The following ZNF724 variants were observed in gnomAD, a reference collection of about 807,000 sequenced individuals.
ZNF724 encodes zinc finger protein 724 pseudogene.
A neutral mutation model predicts 29.3 loss-of-function variants in ZNF724; 14 were observed. That is an observed-to-expected ratio of 0.48 (90% CI 0.32 to 0.75). The LOEUF (loss-of-function observed/expected upper bound fraction) is 0.75. Among genes scored for constraint, ZNF724 ranks in the 30% least tolerant of loss-of-function variants. The pLI is 0.04. For missense variants in ZNF724, 557 were observed against 571.2 expected (o/e 0.98, Z 0.25); for synonymous variants, 180 against 193.6 (o/e 0.93, Z 0.58).
Position 23,227,371 on chromosome 19 carries a change from A to G in ZNF724, c.227-3353T>C, listed in dbSNP as rs553878861. 4.6e-5 allele frequency among the ~76,000 whole-genome samples: 7 copies of G among 152,044 alleles called. No homozygotes were observed. The South Asian group carries it at 1.5e-3, about 32-fold the overall frequency. On this transcript the variant is annotated intron_variant, in intron 3 of 3. Coordinates refer to ENST00000418100, the MANE Select transcript of ZNF724 (RefSeq NM_001355404.2). ...GGAGTTCGAGACCAGCCTGGCCAAC[A>G]TGATGAAACCCCATCTCTACTAAAA...
chr19:23,229,440 C>T (rs1222186251), intron 3 of ZNF724, among the ~76,000 whole-genome samples: 4 of 151,550 alleles, frequency 2.6e-5, no homozygotes, highest in Non-Finnish European at 5.9e-5. Context: ...GTTCTGCCTA[C>T]ACAGAAACCT....
At position 23,228,368 on chromosome 19, in the gene ZNF724, C is replaced by T. The variant is rs142234847; in HGVS notation, c.226+2898G>A. Among the ~76,000 whole-genome samples the T allele has an allele frequency of 5.1e-3, 773 of 151,376 alleles. 8 individuals are homozygous for T. The highest frequency in any genetic ancestry group is 0.017 in the African/African-American group (721 of 41,212). ...GGGAGGCTGAGACAGCAGAATTGATCGAACCCAGCCGGGAGGCAGAGGTTG... is the reference window on the plus strand; with the variant it reads ...GGGAGGCTGAGACAGCAGAATTGATTGAACCCAGCCGGGAGGCAGAGGTTG... On this transcript the variant is annotated intron_variant, in intron 3 of 3. Transcript: ENST00000418100.
In ZNF724 at chr19:23,224,646, A is replaced by C. The variant is rs1971792840; in HGVS notation, c.227-628T>G. On this transcript the variant is annotated intron_variant, in intron 3 of 3. Transcript: ENST00000418100. ...CACAGCTCATCCCTCTCCCCAATAT[A>C]ATATAGTGCCTTTAGAAGTGAACAC... Among the ~76,000 whole-genome samples, 2 of 152,052 alleles carry C rather than the reference A, an allele frequency of 1.3e-5. 1 individual carries two copies. The highest frequency in any genetic ancestry group is 4.1e-4 in the South Asian group (2 of 4,822).
intron 3 of ZNF724, among the ~76,000 whole-genome samples, chr19:23,227,352 C>A (rs1378152686): frequency 6.6e-6 from 1 of 151,572 alleles, no homozygotes; most frequent in African/African-American, 2.4e-5. Flanking sequence ...GTCAGGAGTT[C>A]GAGACCAGCC....
At chr19:23,243,495 A>AAT (rs1568345934) in intron 1 of ZNF724, among the ~76,000 whole-genome samples, 1,892 of 149,792 alleles carry the variant, frequency 0.013, 84 homozygotes, top group African/African-American at 0.044. Flanking sequence ...AAAAAAAAAA[A>AAT]AAAAAAGGTA....
At chr19:23,227,809 T>A (rs1018303146) in intron 3 of ZNF724, among the ~76,000 whole-genome samples, 3 of 151,524 alleles carry the variant, frequency 2.0e-5, no homozygotes, top group African/African-American at 7.3e-5. Context: ...CTAATTTACT[T>A]CAGGCATAAC....
At position 23,223,673 on chromosome 19, in the gene ZNF724, A is replaced by T. The variant is rs1568337844; in HGVS notation, c.572T>A (p.Ile191Asn). The T allele has an allele frequency of 1.4e-6, 1 of 715,426 alleles. No individual in the cohort carries two copies. Among genetic ancestry groups the T allele is most frequent in the Admixed American group, 2.0e-5 (1 of 50,054 alleles). 44.3% of individuals were successfully genotyped at this position (715,426 alleles called of 1,614,324 possible). The change falls in exon 4 of 4, where the codon ATT (isoleucine) becomes AAT (asparagine). Residue 191 changes from isoleucine to asparagine, a missense_variant. Ile to Asn is a moderately radical substitution (Grantham distance 149, BLOSUM62 -3). This residue lies in a region of ZNF724 where 362 missense variants were observed against 295.5 expected (regional missense o/e 1.22). Transcript: ENST00000418100. ...TTTGTAGGAATTGACAGTAGTGTGA[A>T]TTCTTTTATGTTGAGTTAGGTGTGA... ...VLSHLTQHKR[I>N]HTTVNSYKLE... is the part of the protein sequence containing the mutation.
At chr19:23,226,265 A>G (rs769736874) in intron 3 of ZNF724, among the ~76,000 whole-genome samples, 6 of 151,992 alleles carry the variant, frequency 3.9e-5, no homozygotes, top group Non-Finnish European at 5.9e-5. Context: ...GTTAGCCACA[A>G]TGGTCTCGAC....
chr19:23,247,217 A>T (rs943957341), intron 1 of ZNF724, among the ~76,000 whole-genome samples: 60 of 152,046 alleles, frequency 3.9e-4, no homozygotes, highest in African/African-American at 1.3e-3. Context: ...AATGAGTGAG[A>T]CTCCATTTCA....
intron 1 of ZNF724, among the ~76,000 whole-genome samples, chr19:23,238,020 G>T (rs1972051435): frequency 6.6e-6 from 1 of 152,032 alleles, no homozygotes; most frequent in African/African-American, 2.4e-5. Context: ...TCCACTTTTT[G>T]TGTGCTCTTA....
chr19:23,244,106 G>T (rs888755901), intron 1 of ZNF724, among the ~76,000 whole-genome samples: 1 of 150,048 alleles, frequency 6.7e-6, no homozygotes, highest in African/African-American at 2.5e-5. Flanking sequence ...AACTCGACGG[G>T]TGGGGGTAAG....
Position 23,237,681 on chromosome 19 carries a change from G to T in ZNF724, c.4-5388C>A, listed in dbSNP as rs927469911. On this transcript the variant is annotated intron_variant, in intron 1 of 3. Coordinates refer to ENST00000418100, the MANE Select transcript of ZNF724 (RefSeq NM_001355404.2). ...GCTACTCAGCCGAGATCACGCCACT[G>T]CACTCCAGCATGGGCAACAGAGCAA... Among the ~76,000 whole-genome samples, 6 of 143,572 alleles carry T rather than the reference G, an allele frequency of 4.2e-5. No homozygotes were observed. The East Asian group carries it at 1.0e-3, about 25-fold the overall frequency. 94.2% of individuals were successfully genotyped at this position (143,572 alleles called of 152,430 possible).
In ZNF724 at chr19:23,221,707, G is replaced by A. The variant is rs1229848520; in HGVS notation, c.*678C>T. The A allele has an allele frequency of 6.6e-6, 1 of 152,446 alleles. No individual in the cohort carries two copies. Among genetic ancestry groups the A allele is most frequent in the African/African-American group, 2.4e-5 (1 of 41,394 alleles). 9.4% of individuals were successfully genotyped at this position (152,446 alleles called of 1,614,324 possible). On this transcript the variant is annotated 3_prime_UTR_variant, in exon 4 of 4. Coordinates refer to ENST00000418100, the MANE Select transcript of ZNF724 (RefSeq NM_001355404.2). ...GCGATTCTCCTGTCTCAACCACCGAGTAGCTGGGATTAGTCATGCACTACC... is the reference window on the plus strand; with the variant it reads ...GCGATTCTCCTGTCTCAACCACCGAATAGCTGGGATTAGTCATGCACTACC...
At chr19:23,238,357 TCAAAAAA>T (rs57894776) in intron 1 of ZNF724, among the ~76,000 whole-genome samples, 1 of 151,280 alleles carries the variant, frequency 6.6e-6, no homozygotes, top group African/African-American at 2.4e-5. Flanking sequence ...AGACTCCACC[TCAAAAAA>T]CAAAAAACAA....
intron 3 of ZNF724, among the ~76,000 whole-genome samples, chr19:23,226,062 T>C (rs1277963619): frequency 4.7e-5 from 7 of 149,138 alleles, no homozygotes; most frequent in Admixed American, 3.4e-4. Flanking sequence ...TTTTTTTTTT[T>C]TTTTTTTGAG....
intron 3 of ZNF724, 83 bp from the exon 4 acceptor site, chr19:23,224,101 C>T: frequency 1.7e-6 from 1 of 576,354 alleles, no homozygotes. Context: ...CAAAACTATA[C>T]AAACTACATA....
In ZNF724 at chr19:23,231,277, G is replaced by A; in HGVS notation, c.215C>T (p.Ala72Val). ...PWNMERHEMVAKPPGMCCYFA... is the reference protein window; with the variant it reads ...PWNMERHEMVVKPPGMCCYFA... Reference sequence around the variant, plus strand: ...TCACTCTCACCTACCTGGGGGTTTGGCCACCATCTCATGTCTCTCCATATT... The same window carrying A: ...TCACTCTCACCTACCTGGGGGTTTGACCACCATCTCATGTCTCTCCATATT... The change falls in exon 3 of 4, where the codon GCC becomes GTC. Residue 72 changes from alanine (A) to valine (V), a missense_variant. Transcript: ENST00000418100. 1 of 1,351,578 alleles carries A rather than the reference G, an allele frequency of 7.4e-7. No individual in the cohort carries two copies. Among genetic ancestry groups the A allele is most frequent in the Non-Finnish European group, 1.1e-6 (1 of 945,780 alleles). The allele number at this position is 1,351,578 out of a possible 1,614,324, so 83.7% of individuals were successfully genotyped here. A position where few individuals can be genotyped will look rare whatever the true frequency, so the allele number is the denominator to read the frequency against.
chr19:23,249,745 G>C (rs1972314259), intron 1 of ZNF724, among the ~76,000 whole-genome samples: 1 of 152,076 alleles, frequency 6.6e-6, no homozygotes, highest in Non-Finnish European at 1.5e-5. Flanking sequence ...TGTTGGCCAG[G>C]CTGGTCTCGA....
intron 3 of ZNF724, among the ~76,000 whole-genome samples, chr19:23,228,527 G>T (rs1287675222): frequency 6.6e-6 from 1 of 151,724 alleles, no homozygotes; most frequent in Non-Finnish European, 1.5e-5. Context: ...TGAGGCGGGT[G>T]TCGATCATCT....
Sources: gnomAD v4.1 joint callset for allele counts (sites outside exome capture counted in the v4.1 genomes callset) on GRCh38, gnomAD v4.1.1 for gene constraint, gnomAD v4.1.1 regional missense constraint, MANE v1.5 for transcripts, NCBI Gene and HGNC (gene_info 2026-07-23, HGNC 2026-07-21) for gene names.